Variants in ZBTB20 observed in about 807,000 individuals in gnomAD.
The protein encoded by ZBTB20 is zinc finger and BTB domain containing 20, also known as zinc finger and BTB domain-containing protein 20.
ZBTB20 carries 9 observed loss-of-function variants against 56.9 expected under a neutral mutation model. The observed-to-expected ratio is 0.16, with a 90% CI of 0.10 to 0.28. The LOEUF is 0.28. Among genes scored for constraint, ZBTB20 ranks in the 10% least tolerant of loss-of-function variants. ZBTB20 has a pLI of 1.00. For missense variants in ZBTB20, 655 were observed against 1,003.0 expected, an observed-to-expected ratio of 0.65 and a Z score of 4.69; for synonymous variants, 417 against 420.7, an observed-to-expected ratio of 0.99 and a Z score of 0.11.
At chr3:114,755,343 A>G (rs764690124) in intron 5 of ZBTB20, among the ~76,000 whole-genome samples, 1 of 152,158 alleles carries the variant, frequency 6.6e-6, no homozygotes, top group African/African-American at 2.4e-5. Context: ...TAAGGGCGAG[A>G]AATATTAAAT....
chr3:114,703,416 C>A (rs2063515024), intron 5 of ZBTB20, among the ~76,000 whole-genome samples: 1 of 152,020 alleles, frequency 6.6e-6, no homozygotes, highest in South Asian at 2.1e-4. Context: ...ATTTTAGCTT[C>A]TTTGAATGTT....
At chr3:114,794,384 C>G (rs1474741131) in intron 5 of ZBTB20, among the ~76,000 whole-genome samples, 1 of 152,000 alleles carries the variant, frequency 6.6e-6, no homozygotes, top group Non-Finnish European at 1.5e-5. Context: ...GGGCTTTGAT[C>G]ACATATTAGC....
chr3:114,736,232 G>T (rs2066147945), intron 5 of ZBTB20, among the ~76,000 whole-genome samples: 1 of 152,094 alleles, frequency 6.6e-6, no homozygotes, highest in Middle Eastern at 3.2e-3. Flanking sequence ...TTTCTAGCAA[G>T]AAATCAATGA....
At chr3:114,840,172 G>A (rs1299752178) in intron 4 of ZBTB20, among the ~76,000 whole-genome samples, 1 of 152,120 alleles carries the variant, frequency 6.6e-6, no homozygotes, top group Non-Finnish European at 1.5e-5. Flanking sequence ...TCTATCTTCA[G>A]GTTCTTCTTT....
At chr3:114,485,541 C>A (rs543793042) in intron 7 of ZBTB20, among the ~76,000 whole-genome samples, 1 of 152,248 alleles carries the variant, frequency 6.6e-6, no homozygotes, top group South Asian at 2.1e-4. Context: ...CATTTTATTA[C>A]AACGGTCAAA....
intron 5 of ZBTB20, among the ~76,000 whole-genome samples, chr3:114,794,393 G>A (rs1471535230): frequency 6.6e-6 from 1 of 151,982 alleles, no homozygotes; most frequent in East Asian, 1.9e-4. Flanking sequence ...TCACATATTA[G>A]CTGGTTTGGC....
intron 4 of ZBTB20, among the ~76,000 whole-genome samples, chr3:114,888,086 T>C (rs577905232): frequency 6.7e-6 from 1 of 150,140 alleles, no homozygotes; most frequent in East Asian, 1.9e-4. Context: ...TAACGTGGAA[T>C]TGGTCATTAA....
intron 7 of ZBTB20, among the ~76,000 whole-genome samples, chr3:114,436,646 G>C (rs556397593): frequency 1.3e-5 from 2 of 152,268 alleles, no homozygotes; most frequent in African/African-American, 2.4e-5. Context: ...TTTCGTAAGA[G>C]AGACCCTTTG....
At chr3:114,766,535 G>C (rs1446240440) in intron 5 of ZBTB20, among the ~76,000 whole-genome samples, 1 of 139,140 alleles carries the variant, frequency 7.2e-6, no homozygotes, top group Non-Finnish European at 1.6e-5. Context: ...GTGTGTATAA[G>C]CTAAGCTGTT....
At chr3:114,547,521 G>A (rs956689391) in intron 6 of ZBTB20, among the ~76,000 whole-genome samples, 1 of 152,164 alleles carries the variant, frequency 6.6e-6, no homozygotes, top group African/African-American at 2.4e-5. Flanking sequence ...GGGGCCTCAG[G>A]AAAGGGTCCT....
At chr3:114,484,927 C>G (rs1436258504) in intron 7 of ZBTB20, among the ~76,000 whole-genome samples, 1 of 152,082 alleles carries the variant, frequency 6.6e-6, no homozygotes, top group Non-Finnish European at 1.5e-5. Context: ...GAAGTAATCC[C>G]CATATAATAA....
intron 6 of ZBTB20, among the ~76,000 whole-genome samples, chr3:114,552,193 C>T (rs978424587): frequency 3.3e-5 from 5 of 152,112 alleles, no homozygotes; most frequent in Admixed American, 1.3e-4. Flanking sequence ...GCCTGGGTGA[C>T]GGAGCGAGAC....
At chr3:114,406,603 T>C (rs1292097497) in intron 7 of ZBTB20, among the ~76,000 whole-genome samples, 1 of 151,900 alleles carries the variant, frequency 6.6e-6, no homozygotes. Flanking sequence ...CTAAGATCAA[T>C]GAAAAAGAAC....
intron 10 of ZBTB20, among the ~76,000 whole-genome samples, chr3:114,354,388 C>A (rs1320132746): frequency 6.6e-6 from 1 of 152,130 alleles, no homozygotes; most frequent in Non-Finnish European, 1.5e-5. Flanking sequence ...TTAGTTACAA[C>A]AATAACACTA....
At chr3:114,809,003 G>A (rs969649472) in intron 4 of ZBTB20, among the ~76,000 whole-genome samples, 20 of 151,680 alleles carry the variant, frequency 1.3e-4, no homozygotes, top group African/African-American at 4.4e-4. Flanking sequence ...CACTGAATAC[G>A]TCATCCCTCT....
At chr3:114,895,702 A>C (rs901156622) in intron 4 of ZBTB20, among the ~76,000 whole-genome samples, 1 of 152,144 alleles carries the variant, frequency 6.6e-6, no homozygotes, top group African/African-American at 2.4e-5. Flanking sequence ...AAGAGAAGAG[A>C]GGAAAAAATA....
In ZBTB20 at chr3:114,315,089, A is replaced by G. The variant is rs1024142196; in HGVS notation, c.*23916T>C. 7.2e-5 allele frequency: 11 copies of G among 152,154 alleles called. No individual in the cohort carries two copies. Among genetic ancestry groups the G allele is most frequent in the Non-Finnish European group, 1.2e-4 (8 of 68,026 alleles). 9.4% of individuals were successfully genotyped at this position (152,154 alleles called of 1,614,324 possible). On this transcript the variant is annotated 3_prime_UTR_variant, in exon 12 of 12. Coordinates refer to ENST00000675478, the MANE Select transcript of ZBTB20 (RefSeq NM_001348800.3). Reference sequence around the variant, plus strand: ...TTTAAGAGTATAATGAGAAAAAAAAAGGAACAAACTCCCTCTCAAAACTAT... The same window carrying G: ...TTTAAGAGTATAATGAGAAAAAAAAGGGAACAAACTCCCTCTCAAAACTAT...
At chr3:114,920,124 TA>T (rs1191611747) in intron 3 of ZBTB20, among the ~76,000 whole-genome samples, 1 of 152,108 alleles carries the variant, frequency 6.6e-6, no homozygotes, top group African/African-American at 2.4e-5. Context: ...TCTAAATATA[TA>T]AATTAAATGT....
chr3:114,630,820 G>A (rs532262893), intron 6 of ZBTB20, among the ~76,000 whole-genome samples: 73 of 152,160 alleles, frequency 4.8e-4, no homozygotes, highest in Non-Finnish European at 9.0e-4. Flanking sequence ...CATTTGGAAG[G>A]AGGCAATGGG....
Sources: gnomAD v4.1 joint callset for allele counts (sites outside exome capture counted in the v4.1 genomes callset) on GRCh38, gnomAD v4.1.1 for gene constraint, MANE v1.5 for transcripts, NCBI Gene and HGNC (gene_info 2026-07-23, HGNC 2026-07-21) for gene names.